The following NKAIN2 variants were observed in gnomAD, a reference collection of about 807,000 sequenced individuals.
NKAIN2 encodes the protein sodium/potassium-transporting ATPase subunit beta-1-interacting protein 2.
A neutral mutation model predicts 32.6 loss-of-function variants in NKAIN2; 14 were observed. That is an observed-to-expected ratio of 0.43 (90% CI 0.28 to 0.67). NKAIN2 has a LOEUF of 0.67. NKAIN2 is among the 30% of genes least tolerant of loss of function. The pLI, the probability that NKAIN2 is intolerant of heterozygous loss-of-function variation, is 0.17. For synonymous variants in NKAIN2, 80 were observed against 87.2 expected, an observed-to-expected ratio of 0.92 and a Z score of 0.46; for missense variants, 198 against 258.3, an observed-to-expected ratio of 0.77 and a Z score of 1.60.
chr6:123,997,509 A>G (rs934615882), intron 1 of NKAIN2, among the ~76,000 whole-genome samples: 1 of 151,768 alleles, frequency 6.6e-6, no homozygotes, highest in Admixed American at 6.6e-5. Context: ...GCCAACAGTC[A>G]TTTGTGGAAC....
At chr6:124,204,911 A>T (rs536049332) in intron 1 of NKAIN2, among the ~76,000 whole-genome samples, 1 of 151,768 alleles carries the variant, frequency 6.6e-6, no homozygotes, top group East Asian at 1.9e-4. Flanking sequence ...AATAATATTA[A>T]AGAGATTTTT....
intron 1 of NKAIN2, among the ~76,000 whole-genome samples, chr6:123,826,005 A>T (rs867474180): frequency 6.6e-6 from 1 of 152,182 alleles, no homozygotes; most frequent in South Asian, 2.1e-4. Flanking sequence ...TTAAAAATAG[A>T]TAACTACTTT....
intron 3 of NKAIN2, among the ~76,000 whole-genome samples, chr6:124,391,340 T>A (rs535347231): frequency 2.1e-4 from 32 of 152,282 alleles, no homozygotes; most frequent in African/African-American, 7.0e-4. Context: ...GTAATCACTC[T>A]GTCCTCTTGC....
At chr6:124,701,882 A>C (rs1242674363) in intron 4 of NKAIN2, among the ~76,000 whole-genome samples, 1 of 152,040 alleles carries the variant, frequency 6.6e-6, no homozygotes, top group Non-Finnish European at 1.5e-5. Context: ...AGACATCACA[A>C]ATTTTTAGGA....
intron 1 of NKAIN2, among the ~76,000 whole-genome samples, chr6:124,256,294 A>C (rs1040727026): frequency 1.3e-5 from 2 of 152,174 alleles, no homozygotes; most frequent in Admixed American, 6.6e-5. Context: ...TCTGTCATAT[A>C]TTTCTGTGAA....
At chr6:123,946,691 C>T (rs1168837163) in intron 1 of NKAIN2, among the ~76,000 whole-genome samples, 1 of 152,140 alleles carries the variant, frequency 6.6e-6, no homozygotes, top group African/African-American at 2.4e-5. Flanking sequence ...TAGAGTAAAA[C>T]CTATAAATTC....
chr6:124,079,831 G>C (rs1006009430), intron 1 of NKAIN2, among the ~76,000 whole-genome samples: 1 of 151,524 alleles, frequency 6.6e-6, no homozygotes, highest in Non-Finnish European at 1.5e-5. Flanking sequence ...ACAGTCTCCC[G>C]AAACACAGGA....
intron 3 of NKAIN2, among the ~76,000 whole-genome samples, chr6:124,402,043 A>G (rs1773647384): frequency 6.6e-6 from 1 of 152,046 alleles, no homozygotes; most frequent in South Asian, 2.1e-4. Flanking sequence ...TTTCCAGGGG[A>G]CATTTGTTAA....
intron 1 of NKAIN2, among the ~76,000 whole-genome samples, chr6:124,145,454 C>T (rs1170555780): frequency 6.6e-6 from 1 of 152,056 alleles, no homozygotes; most frequent in African/African-American, 2.4e-5. Context: ...ATGAAACAAC[C>T]TGGATGCATC....
At chr6:124,594,117 G>T (rs1257815959) in intron 3 of NKAIN2, among the ~76,000 whole-genome samples, 1 of 152,180 alleles carries the variant, frequency 6.6e-6, no homozygotes, top group Non-Finnish European at 1.5e-5. Flanking sequence ...TTAGGAGTGG[G>T]TCCACTGTAG....
At chr6:123,812,915 A>G (rs1187557502) in intron 1 of NKAIN2, among the ~76,000 whole-genome samples, 1 of 152,266 alleles carries the variant, frequency 6.6e-6, no homozygotes, top group African/African-American at 2.4e-5. Flanking sequence ...CTTTGTGTGC[A>G]TCTGTATTAT....
At chr6:124,718,032 TAAC>T (rs1775836103) in intron 4 of NKAIN2, among the ~76,000 whole-genome samples, 1 of 152,188 alleles carries the variant, frequency 6.6e-6, no homozygotes, top group Admixed American at 6.6e-5. Flanking sequence ...CACTGTGATG[TAAC>T]AACAGAGTCA....
At chr6:124,809,567 G>T (rs1025287882) in intron 5 of NKAIN2, among the ~76,000 whole-genome samples, 12 of 150,436 alleles carry the variant, frequency 8.0e-5, no homozygotes, top group African/African-American at 2.7e-4. Flanking sequence ...CAGGACATAG[G>T]CATGGGCAAG....
chr6:124,778,884 G>A (rs967726246), intron 4 of NKAIN2, among the ~76,000 whole-genome samples: 8 of 152,096 alleles, frequency 5.3e-5, no homozygotes, highest in African/African-American at 1.7e-4. Flanking sequence ...AGGAATGGCT[G>A]AATAGAGTCA....
intron 1 of NKAIN2, among the ~76,000 whole-genome samples, chr6:123,813,033 A>T (rs532908786): frequency 6.6e-6 from 1 of 152,372 alleles, no homozygotes; most frequent in South Asian, 2.1e-4. Context: ...GTGGTAGGGA[A>T]TTCATAGTAT....
At chr6:124,567,968 T>C (rs919892494) in intron 3 of NKAIN2, among the ~76,000 whole-genome samples, 2 of 152,112 alleles carry the variant, frequency 1.3e-5, no homozygotes, top group African/African-American at 4.8e-5. Flanking sequence ...AGCTTGACTG[T>C]TAGATGCAGG....
intron 3 of NKAIN2, among the ~76,000 whole-genome samples, chr6:124,368,966 C>A (rs1441978691): frequency 6.6e-6 from 1 of 152,090 alleles, no homozygotes; most frequent in African/African-American, 2.4e-5. Flanking sequence ...AAATCAAGCA[C>A]CAACCATTTC....
chr6:124,756,947 CTT>C (rs953981191), intron 4 of NKAIN2, among the ~76,000 whole-genome samples: 2 of 151,892 alleles, frequency 1.3e-5, no homozygotes, highest in African/African-American at 4.8e-5. Context: ...AGTTTTCAGT[CTT>C]TTTTTACAGG....
intron 1 of NKAIN2, among the ~76,000 whole-genome samples, chr6:124,017,875 G>T (rs1039575469): frequency 3.9e-5 from 6 of 152,080 alleles, no homozygotes; most frequent in Non-Finnish European, 8.8e-5. Flanking sequence ...ACCATCCTGG[G>T]GTCTGGAGGA....
Sources: gnomAD v4.1 joint callset for allele counts (sites outside exome capture counted in the v4.1 genomes callset) on GRCh38, gnomAD v4.1.1 for gene constraint, MANE v1.5 for transcripts, NCBI Gene and HGNC (gene_info 2026-07-23, HGNC 2026-07-21) for gene names.